Variants in SLC35F5 observed in about 807,000 individuals in gnomAD.
SLC35F5 encodes solute carrier family 35 member F5.
In SLC35F5, 54 loss-of-function variants were observed where a neutral mutation model predicts 68.6. The observed-to-expected ratio is 0.79, with a 90% confidence interval of 0.63 to 0.99. SLC35F5 has a LOEUF of 0.99. SLC35F5 is among the 50% of genes least tolerant of loss of function. SLC35F5 has a pLI of 0.00. For synonymous variants in SLC35F5, 211 were observed against 205.2 expected (o/e 1.03, Z -0.24); for missense variants, 567 against 626.9 (o/e 0.90, Z 1.02).
chr2:113,710,770 A>C lies in SLC35F5; in HGVS notation c.*4448T>G, dbSNP rs1487358428. Among the ~76,000 whole-genome samples the C allele has an allele frequency of 1.7e-5, 2 of 115,154 alleles. No individual in the cohort carries two copies. Among genetic ancestry groups the C allele is most frequent in the Admixed American group, 8.5e-5 (1 of 11,718 alleles). 75.5% of individuals were successfully genotyped at this position (115,154 alleles called of 152,430 possible). On this transcript the variant is annotated 3_prime_UTR_variant, in exon 16 of 16. Transcript: ENST00000245680. The stretch of plus-strand genomic sequence containing the variant: ...GGGTGACAGAGTGAGACCCCATCTC[A>C]AAAAAAAAAAAAGAATTTCATCTCA...
At position 113,735,758 on chromosome 2, in the gene SLC35F5, T is replaced by G. The variant is rs772387127; in HGVS notation, c.832+19A>C. The stretch of plus-strand genomic sequence containing the variant: ...ATACACTGATTTATAATGCAGATTT[T>G]TAAAGACAAATTTCTTACCGGAAGT... On this transcript the variant is annotated intron_variant, in intron 8 of 15. Transcript: ENST00000245680. 1 of 1,541,328 alleles carries G rather than the reference T, an allele frequency of 6.5e-7. No individual in the cohort carries two copies. Among genetic ancestry groups the G allele is most frequent in the South Asian group, 1.2e-5 (1 of 86,190 alleles).
chr2:113,717,600 T>C, intron 15 of SLC35F5, 153 bp downstream of exon 15: 2 of 522,664 alleles, frequency 3.8e-6, no homozygotes, highest in Admixed American at 7.4e-5. Context: ...ACACAGCTAG[T>C]ATGTGGAGAA....
Position 113,746,331 on chromosome 2 carries a change from A to T in SLC35F5, c.426T>A (p.Asp142Glu). 6.2e-7 allele frequency: 1 copy of T among 1,612,344 alleles called. No individual in the cohort carries two copies. The highest frequency in any genetic ancestry group is 1.3e-5 in the African/African-American group (1 of 75,046). Residue 142 changes from aspartate to glutamate, a missense_variant, in exon 5 of 16, where the codon GAT (aspartate) becomes GAA (glutamate). Asp to Glu is a conservative substitution (Grantham distance 45). Coordinates refer to ENST00000245680, the MANE Select transcript of SLC35F5 (RefSeq NM_025181.5). ...TGCAAGCAGCAAAGTAACCTTCAGC[A>T]TCTGCAAACTAAATACAGATAACAA... ...LRGKHAAFFA[D>E]AEGYFAACTT... is the part of the protein sequence containing the mutation.
At chr2:113,752,848 A>C (rs923214556) in intron 3 of SLC35F5, among the ~76,000 whole-genome samples, 1 of 152,210 alleles carries the variant, frequency 6.6e-6, no homozygotes, top group Non-Finnish European at 1.5e-5. Flanking sequence ...AATTACAGTT[A>C]ATTGTGTTAA....
rs1409692986 is a variant in SLC35F5, at chr2:113,708,604, G to C, written c.*6614C>G. Among the ~76,000 whole-genome samples, 1 of 152,128 alleles carries C rather than the reference G, an allele frequency of 6.6e-6. No homozygotes were observed. Among genetic ancestry groups the C allele is most frequent in the African/African-American group, 2.4e-5 (1 of 41,430 alleles). On this transcript the variant is annotated 3_prime_UTR_variant, in exon 16 of 16. Coordinates refer to ENST00000245680, the MANE Select transcript of SLC35F5 (RefSeq NM_025181.5). ...GTCTGTAATCCCAGCTATTCGGGAG[G>C]CTGAGGCAGGAGAATCACTTGAACC...
At chr2:113,702,931 A>G (rs2104938647), downstream of SLC35F5, among the ~76,000 whole-genome samples, 1 of 152,236 alleles carries the variant, frequency 6.6e-6, no homozygotes, top group South Asian at 2.1e-4. Flanking sequence ...CAAAATAGCA[A>G]GACCTCATTG....
downstream of SLC35F5, among the ~76,000 whole-genome samples, chr2:113,704,424 ACTC>A (rs1431321853): frequency 6.6e-6 from 1 of 151,998 alleles, no homozygotes; most frequent in African/African-American, 2.4e-5. Flanking sequence ...CTGCGCCCGC[ACTC>A]CTCAGCCCTT....
rs1277585829 is a variant in SLC35F5, at chr2:113,711,978, C to T, written c.*3240G>A. ...CACAGTGCCCTGTGAAAAGACTTGG[C>T]TTCCAGAGAAGTCATACCTTGCATA... On this transcript the variant is annotated 3_prime_UTR_variant, in exon 16 of 16. Transcript: ENST00000245680. 6.6e-6 allele frequency among the ~76,000 whole-genome samples: 1 copy of T among 152,202 alleles called. No homozygotes were observed. Among genetic ancestry groups the T allele is most frequent in the Non-Finnish European group, 1.5e-5 (1 of 68,040 alleles).
intron 5 of SLC35F5, 172 bp from the exon 6 acceptor site, chr2:113,743,966 G>T: frequency 4.6e-6 from 2 of 438,704 alleles, no homozygotes; most frequent in Non-Finnish European, 8.1e-6. Flanking sequence ...GATCCATACA[G>T]CTACAATGAC....
At chr2:113,747,786 C>G (rs1676559186) in intron 4 of SLC35F5, among the ~76,000 whole-genome samples, 1 of 152,102 alleles carries the variant, frequency 6.6e-6, no homozygotes, top group Non-Finnish European at 1.5e-5. Flanking sequence ...ATAAGAATTA[C>G]AAGCTTTAAA....
At chr2:113,720,532 C>A (rs1396201179) in intron 13 of SLC35F5, among the ~76,000 whole-genome samples, 2 of 152,064 alleles carry the variant, frequency 1.3e-5, no homozygotes, top group Non-Finnish European at 2.9e-5. Flanking sequence ...TATTCATATA[C>A]AATGACTGAG....
intron 8 of SLC35F5, 125 bp from the exon 9 acceptor site, chr2:113,734,798 T>C (rs933620372): frequency 3.2e-6 from 2 of 616,604 alleles, no homozygotes; most frequent in African/African-American, 1.9e-5. Flanking sequence ...TTGTCACTCT[T>C]AACTAAGAAA....
rs1232774606 is a variant in SLC35F5 at position 113,756,619 on chromosome 2, A to G, written c.-210T>C. 1.1e-5 allele frequency: 14 copies of G among 1,331,302 alleles called. No homozygotes were observed. The highest frequency in any genetic ancestry group is 4.9e-6 in the Non-Finnish European group (5 of 1,020,138). The allele number at this position is 1,331,302 out of a possible 1,614,324, so 82.5% of individuals were successfully genotyped here. On this transcript the variant is annotated 5_prime_UTR_variant, in exon 1 of 16. Transcript: ENST00000245680. ...AGGGGAAGGGACGGCACAGTCAGCT[A>G]TGGCCGCGGAGGCCCGGAGATCTGC...
At chr2:113,716,903 A>G (rs925883803) in intron 15 of SLC35F5, among the ~76,000 whole-genome samples, 1 of 152,216 alleles carries the variant, frequency 6.6e-6, no homozygotes, top group African/African-American at 2.4e-5. Flanking sequence ...CCAGGAGGAT[A>G]ATGAAACTTA....
At chr2:113,745,965 T>C (rs1350384072) in intron 5 of SLC35F5, among the ~76,000 whole-genome samples, 1 of 152,180 alleles carries the variant, frequency 6.6e-6, no homozygotes, top group African/African-American at 2.4e-5. Flanking sequence ...AAATATTTGT[T>C]TCTAAATGAT....
chr2:113,749,144 G>A (rs1158900574), intron 4 of SLC35F5, among the ~76,000 whole-genome samples: 1 of 152,196 alleles, frequency 6.6e-6, no homozygotes, highest in African/African-American at 2.4e-5. Flanking sequence ...GCCTGCCTCG[G>A]CCTCCCAGCA....
intron 15 of SLC35F5, among the ~76,000 whole-genome samples, chr2:113,717,234 G>A (rs1471706193): frequency 6.6e-6 from 1 of 152,090 alleles, no homozygotes; most frequent in Non-Finnish European, 1.5e-5. Flanking sequence ...CAGAAGCATT[G>A]TTAAATGACA....
intron 3 of SLC35F5, among the ~76,000 whole-genome samples, chr2:113,753,281 C>T (rs374936177): frequency 1.1e-4 from 16 of 139,228 alleles, no homozygotes; most frequent in African/African-American, 3.7e-4. Flanking sequence ...CAGGTTCAAG[C>T]GATTCTCCTG....
rs1559363448 is a variant in SLC35F5 at position 113,750,396 on chromosome 2, C to CA, written c.417+28_417+29insT. ...GAAAAAACGTATCTATACCCCCTTC[C>CA]TAACAGACAGTTAAAATTAAAAACT... On this transcript the variant is annotated intron_variant, in intron 4 of 15. Transcript: ENST00000245680. The CA allele has an allele frequency of 3.2e-6, 5 of 1,564,264 alleles. No individual in the cohort carries two copies. In the Admixed American group the frequency reaches 7.6e-5, roughly 24 times the overall value.
Sources: allele counts gnomAD v4.1 joint callset (sites outside exome capture counted in the v4.1 genomes callset), GRCh38; gene constraint gnomAD v4.1.1; transcripts MANE v1.5; gene names NCBI Gene and HGNC (gene_info 2026-07-23, HGNC 2026-07-21).